GNA14: variants seen among roughly 807,000 people sequenced by gnomAD.
GNA14 encodes the protein guanine nucleotide-binding protein subunit alpha-14.
A neutral mutation model predicts 42.0 loss-of-function variants in GNA14; 50 were observed. The ratio of observed to expected loss-of-function variants is 1.19; its 90% CI spans 0.95 to 1.51. GNA14 has a LOEUF of 1.51. Among genes scored for constraint, GNA14 ranks in the 40% most tolerant of loss-of-function variants. The pLI is 0.00. For missense variants in GNA14, 473 were observed against 446.2 expected, an observed-to-expected ratio of 1.06 and a Z score of -0.54; for synonymous variants, 173 against 163.1, an observed-to-expected ratio of 1.06 and a Z score of -0.46.
chr9:77,442,668 A>C (rs1835752967), intron 2 of GNA14, among the ~76,000 whole-genome samples: 2 of 152,228 alleles, frequency 1.3e-5, no homozygotes, highest in African/African-American at 4.8e-5. Flanking sequence ...CTCAGCTTGG[A>C]ATCATGACAA....
chr9:77,562,328 G>T (rs1203941315), intron 1 of GNA14, among the ~76,000 whole-genome samples: 1 of 152,146 alleles, frequency 6.6e-6, no homozygotes, highest in Non-Finnish European at 1.5e-5. Context: ...AACAGCTAAC[G>T]TAGATGAGGA....
chr9:77,424,943 T>G (rs772415276), intron 6 of GNA14, among the ~76,000 whole-genome samples: 4 of 152,156 alleles, frequency 2.6e-5, no homozygotes, highest in Non-Finnish European at 5.9e-5. Context: ...ACTTAAGGTT[T>G]GAGACCTCCT....
intron 2 of GNA14, among the ~76,000 whole-genome samples, chr9:77,522,629 G>T (rs1837376538): frequency 6.6e-6 from 1 of 152,166 alleles, no homozygotes; most frequent in Non-Finnish European, 1.5e-5. Context: ...ATTTATCAGT[G>T]GTTCTCGACC....
At chr9:77,481,729 G>C (rs1198716998) in intron 2 of GNA14, among the ~76,000 whole-genome samples, 1 of 152,164 alleles carries the variant, frequency 6.6e-6, no homozygotes, top group Non-Finnish European at 1.5e-5. Flanking sequence ...GAATCTGGGT[G>C]CTCCTGTATT....
intron 1 of GNA14, among the ~76,000 whole-genome samples, chr9:77,549,874 C>T (rs1021809594): frequency 4.6e-5 from 7 of 152,142 alleles, no homozygotes; most frequent in East Asian, 1.9e-4. Flanking sequence ...TCGTTGCAAG[C>T]GCTTGGGACT....
At chr9:77,575,269 G>A (rs1823110533) in intron 1 of GNA14, among the ~76,000 whole-genome samples, 1 of 152,118 alleles carries the variant, frequency 6.6e-6, no homozygotes. Flanking sequence ...TGTAATCCCA[G>A]CTACTCAGAA....
intron 2 of GNA14, among the ~76,000 whole-genome samples, chr9:77,441,383 C>T (rs1006416329): frequency 6.6e-6 from 1 of 152,208 alleles, no homozygotes; most frequent in Non-Finnish European, 1.5e-5. Context: ...GCTTCCCCTT[C>T]TGCCACGGTT....
At chr9:77,600,983 A>G (rs899469431) in intron 1 of GNA14, among the ~76,000 whole-genome samples, 5 of 152,194 alleles carry the variant, frequency 3.3e-5, no homozygotes, top group Non-Finnish European at 5.9e-5. Context: ...GGAGGCGGAT[A>G]AGGAAAGGGT....
chr9:77,590,146 G>A (rs186698075), intron 1 of GNA14, among the ~76,000 whole-genome samples: 4 of 152,220 alleles, frequency 2.6e-5, no homozygotes, highest in Non-Finnish European at 4.4e-5. Context: ...TTGAAGTCCT[G>A]ACTTCAGTGA....
rs546778079 is a variant in GNA14, at chr9:77,432,358, AC to A, written c.465-910del. Among the ~76,000 whole-genome samples, 355 of 152,054 alleles carry A rather than the reference AC, an allele frequency of 2.3e-3. 3 individuals carry two copies. The highest frequency in any genetic ancestry group is 7.9e-3 in the African/African-American group (329 of 41,484). On this transcript the variant is annotated intron_variant, in intron 3 of 6. Coordinates refer to ENST00000341700, the MANE Select transcript of GNA14 (RefSeq NM_004297.4). ...CAAAGCTCTGGGGCAGCCTTCCACA[AC>A]CCACCTCTCTGCCCAGATACAGTCC... is the stretch of plus-strand genomic sequence containing the variant.
rs868757918 is a variant in GNA14 at position 77,502,223 on chromosome 9, T to C, written c.309+26846A>G. Among the ~76,000 whole-genome samples the C allele has an allele frequency of 2.0e-5, 3 of 152,240 alleles. No homozygotes were observed. The South Asian group carries it at 6.2e-4, about 32-fold the overall frequency. On this transcript the variant is annotated intron_variant, in intron 2 of 6. Coordinates refer to ENST00000341700, the MANE Select transcript of GNA14 (RefSeq NM_004297.4). Reference sequence around the variant, plus strand: ...ATAATTGCTCATTGAAACATTATCATGGCAGCTTTAAAATCTTTGTCAGAC... The same window carrying C: ...ATAATTGCTCATTGAAACATTATCACGGCAGCTTTAAAATCTTTGTCAGAC...
chr9:77,541,046 T>C (rs1477082035), intron 1 of GNA14, among the ~76,000 whole-genome samples: 3 of 152,152 alleles, frequency 2.0e-5, no homozygotes, highest in Non-Finnish European at 4.4e-5. Context: ...TTGTTTGTCA[T>C]TGTGGTTTGG....
chr9:77,456,175 G>A (rs764440598), intron 2 of GNA14: 4 of 111,684 alleles, frequency 3.6e-5, no homozygotes, highest in Admixed American at 9.3e-5. Context: ...AACAGATGAG[G>A]CCTAGAGAAG....
At chr9:77,481,792 A>G (rs951811835) in intron 2 of GNA14, among the ~76,000 whole-genome samples, 1 of 152,100 alleles carries the variant, frequency 6.6e-6, no homozygotes, top group Non-Finnish European at 1.5e-5. Context: ...TGATCCCTTT[A>G]CCATTATGTA....
chr9:77,494,071 C>T (rs1836830755), intron 2 of GNA14, among the ~76,000 whole-genome samples: 1 of 152,104 alleles, frequency 6.6e-6, no homozygotes, highest in African/African-American at 2.4e-5. Flanking sequence ...CAGGCACACA[C>T]CACCATGCCC....
chr9:77,530,440 T>C (rs1243447257), intron 1 of GNA14, among the ~76,000 whole-genome samples: 1 of 152,220 alleles, frequency 6.6e-6, no homozygotes, highest in Non-Finnish European at 1.5e-5. Context: ...GTACAGCTTG[T>C]GGAAACGTGA....
chr9:77,607,886 T>C (rs1425056275), intron 1 of GNA14, among the ~76,000 whole-genome samples: 1 of 152,194 alleles, frequency 6.6e-6, no homozygotes, highest in Non-Finnish European at 1.5e-5. Context: ...CGCACCCTCC[T>C]GACCTCACTT....
At chr9:77,469,116 C>T (rs955786519) in intron 2 of GNA14, among the ~76,000 whole-genome samples, 1 of 152,086 alleles carries the variant, frequency 6.6e-6, no homozygotes, top group South Asian at 2.1e-4. Flanking sequence ...GCTTTACCTC[C>T]TCATTTCCTC....
intron 2 of GNA14, among the ~76,000 whole-genome samples, chr9:77,435,599 A>G (rs1835629687): frequency 1.3e-5 from 2 of 152,092 alleles, no homozygotes; most frequent in Non-Finnish European, 2.9e-5. Flanking sequence ...TTGCTCTATT[A>G]CTACAGTAAT....
Sources: allele counts gnomAD v4.1 joint callset (sites outside exome capture counted in the v4.1 genomes callset), GRCh38; gene constraint gnomAD v4.1.1; transcripts MANE v1.5; gene names NCBI Gene and HGNC (gene_info 2026-07-23, HGNC 2026-07-21).